ABCB9: variants seen among roughly 807,000 people sequenced by gnomAD.
The protein encoded by ABCB9 is ATP binding cassette subfamily B member 9, also known as ABC-type oligopeptide transporter ABCB9.
Under a neutral mutation model 62.0 loss-of-function variants are expected in ABCB9, and 36 were observed. The observed-to-expected ratio is 0.58, with a 90% CI of 0.45 to 0.77. The LOEUF (loss-of-function observed/expected upper bound fraction) is 0.77, where lower values mean the gene tolerates loss of function less well. ABCB9 is among the 30% of genes least tolerant of loss of function. The pLI is 0.00. For missense variants in ABCB9, 943 were observed against 1,054.7 expected (o/e 0.89, Z 1.47); for synonymous variants, 435 against 461.4 (o/e 0.94, Z 0.73).
At chr12:122,923,635 C>T (rs1241099652) in intron 11 of ABCB9, among the ~76,000 whole-genome samples, 2 of 152,112 alleles carry the variant, frequency 1.3e-5, no homozygotes, top group African/African-American at 4.8e-5. Context: ...ATTGTTAATC[C>T]CAGTGGAGCA....
Position 122,935,394 on chromosome 12 carries a change from CG to C in ABCB9, c.1780del (p.Arg594AlafsTer87), listed in dbSNP as rs774428844. ...GTAGGAGATGTTATCCGTGATGGAGCGGGCGAACAGCACGGGCTCCTGGCTC... is the reference window on the plus strand; with the variant it reads ...GTAGGAGATGTTATCCGTGATGGAGCGGCGAACAGCACGGGCTCCTGGCTC... ...LVSQEPVLFARSITDNISYGL... is the reference protein window; with the variant it reads ...LVSQEPVLFAXSITDNISYGL... On this transcript the variant is annotated frameshift_variant, in exon 10 of 12. Coordinates refer to ENST00000280560, the MANE Select transcript of ABCB9 (RefSeq NM_019625.4). LOFTEE classifies it high-confidence loss of function. The C allele has an allele frequency of 2.0e-5, 33 of 1,613,700 alleles. No individual in the cohort carries two copies. The highest frequency in any genetic ancestry group is 2.6e-5 in the Non-Finnish European group (31 of 1,179,922).
Position 122,922,453 on chromosome 12 carries a change from C to T in ABCB9, c.2041-1410G>A, listed in dbSNP as rs546005225. The stretch of plus-strand genomic sequence containing the variant: ...GGAGTGCAGTGGCACGATCTTAGCT[C>T]ATTGCAACCTCCGCCTCCCGGGTTC... On this transcript the variant is annotated intron_variant, in intron 11 of 11. Transcript: ENST00000344275. 3.5e-4 allele frequency among the ~76,000 whole-genome samples: 52 copies of T among 149,628 alleles called. 1 individual carries two copies. The highest frequency in any genetic ancestry group is 3.0e-5 in the Non-Finnish European group (2 of 67,180).
chr12:122,936,913 A>G (rs544671519), intron 9 of ABCB9, among the ~76,000 whole-genome samples: 2 of 151,502 alleles, frequency 1.3e-5, no homozygotes, highest in Non-Finnish European at 2.9e-5. Context: ...TCAAAAAAAA[A>G]AAAAAAATTG....
In ABCB9 at chr12:122,947,386, C is replaced by T. The variant is rs1007646219; in HGVS notation, c.1054-1164G>A. 8 of 396,390 alleles carry T rather than the reference C, an allele frequency of 2.0e-5. No individual in the cohort carries two copies. Among genetic ancestry groups the T allele is most frequent in the South Asian group, 9.1e-5 (5 of 55,030 alleles). The allele number at this position is 396,390 out of a possible 1,614,324, so 24.6% of individuals were successfully genotyped here. A position where few individuals can be genotyped will look rare whatever the true frequency, so the allele number is the denominator to read the frequency against. ...AGAAGACTGTGGGGAGTGGCCTCAC[C>T]GGGGGCTGGGTGGGAGATGGCTTCC... On this transcript the variant is annotated intron_variant, in intron 5 of 11. Transcript: ENST00000280560. The surrounding 1 kb of genome is among the most constrained non-coding windows in gnomAD (Gnocchi z 6.0).
rs1032818948 is a variant in ABCB9 at position 122,940,912 on chromosome 12, G to T, written c.1464C>A (p.Thr488=). Residue 488 remains threonine (T), a synonymous_variant, in exon 8 of 12, where the codon ACC becomes ACA. Transcript: ENST00000280560. This position sits in a 1 kb window ranked among gnomAD's most constrained non-coding sequence, Gnocchi z 4.8. ...KVFEFIDRQP[T]MVHDGSLAPD... ...GGGCCAAGCTGCCATCGTGCACCAT[G>T]GTCGGCTGCCGGTCGATGAACTCGA... 1 of 1,612,356 alleles carries T rather than the reference G, an allele frequency of 6.2e-7. No homozygotes were observed. Among genetic ancestry groups the T allele is most frequent in the African/African-American group, 1.3e-5 (1 of 75,018 alleles).
Position 122,959,964 on chromosome 12 carries a change from A to C in ABCB9, c.272T>G (p.Leu91Arg). The C allele has an allele frequency of 6.2e-7, 1 of 1,613,234 alleles. No individual in the cohort carries two copies. Among genetic ancestry groups the C allele is most frequent in the Non-Finnish European group, 8.5e-7 (1 of 1,179,984 alleles). The change falls in exon 2 of 12, where the codon CTC becomes CGC. Residue 91 changes from leucine (L) to arginine (R), a missense_variant. By Grantham distance (102) the Leu-to-Arg change is moderately radical. Transcript: ENST00000280560. The surrounding 1 kb of genome is among the most constrained non-coding windows in gnomAD (Gnocchi z 5.4). Reference sequence around the variant, plus strand: ...CACCATGGCATAGATGCCCACGAAGAGGCACACGAGGGTGATGACCAGCCA... The same window carrying C: ...CACCATGGCATAGATGCCCACGAAGCGGCACACGAGGGTGATGACCAGCCA... ...ASWLVITLVC[L>R]FVGIYAMVKL...
intron 5 of ABCB9, 38 bp downstream of exon 5, chr12:122,948,586 A>T (rs1313182376): frequency 1.9e-6 from 3 of 1,545,590 alleles, no homozygotes; most frequent in Non-Finnish European, 2.6e-6. Context: ...GGGGGCTGCC[A>T]GGGTGCACAG....
intron 2 of ABCB9, among the ~76,000 whole-genome samples, chr12:122,957,843 T>G (rs546959416): frequency 6.6e-6 from 1 of 151,048 alleles, no homozygotes; most frequent in Admixed American, 6.6e-5. Flanking sequence ...TACAGATCCA[T>G]CCACATTCAT....
At chr12:122,923,493 G>C (rs1359693061) in intron 11 of ABCB9, among the ~76,000 whole-genome samples, 1 of 152,000 alleles carries the variant, frequency 6.6e-6, no homozygotes, top group Admixed American at 6.6e-5. Flanking sequence ...GTTTCACTGT[G>C]TTAGCCAGGA....
At chr12:122,956,119 C>T (rs144376164) in intron 2 of ABCB9, among the ~76,000 whole-genome samples, 356 of 152,258 alleles carry the variant, frequency 2.3e-3, no homozygotes, top group African/African-American at 7.7e-3. Flanking sequence ...TTTGGGCCGC[C>T]CAGCATGAGC....
At chr12:122,961,122 G>C (rs570522125) in intron 1 of ABCB9, among the ~76,000 whole-genome samples, 29 of 152,070 alleles carry the variant, frequency 1.9e-4, no homozygotes, top group African/African-American at 6.3e-4. Flanking sequence ...AAAAAAGAGG[G>C]GGGTAAATAG....
chr12:122,928,291 G>A (rs1466855645), downstream of ABCB9, among the ~76,000 whole-genome samples: 1 of 152,070 alleles, frequency 6.6e-6, no homozygotes, highest in Non-Finnish European at 1.5e-5. Context: ...CCAACACAGT[G>A]AAACCCATCT....
downstream of ABCB9, chr12:122,924,665 G>A (rs1566146039): frequency 5.3e-6 from 8 of 1,499,648 alleles, no homozygotes; most frequent in Non-Finnish European, 7.1e-6. Context: ...CTAAGTCCTG[G>A]CGCCAGGACT....
chr12:122,946,467 G>T, intron 5 of ABCB9: 1 of 558,434 alleles, frequency 1.8e-6, no homozygotes. Flanking sequence ...GAAGGATAGG[G>T]CACGGTGCTG....
chr12:122,954,491 C>T (rs985350077), intron 2 of ABCB9, among the ~76,000 whole-genome samples: 43 of 151,618 alleles, frequency 2.8e-4, no homozygotes, highest in African/African-American at 1.0e-3. Context: ...CCACCGTGCC[C>T]GGCCTATTTT....
At chr12:122,973,508 G>C (rs2037313079) in intron 1 of ABCB9, among the ~76,000 whole-genome samples, 1 of 133,870 alleles carries the variant, frequency 7.5e-6, no homozygotes, top group Non-Finnish European at 1.6e-5. Flanking sequence ...AGCTTGCAGT[G>C]AGCCGAGATT....
chr12:122,953,482 G>C (rs561815425), intron 2 of ABCB9, among the ~76,000 whole-genome samples: 1 of 152,226 alleles, frequency 6.6e-6, no homozygotes, highest in South Asian at 2.1e-4. Flanking sequence ...CTGCCACCTG[G>C]GTTCAAGTGA....
rs1224671922 is a variant in ABCB9 at position 122,930,186 on chromosome 12, G to C, written c.2041-15C>G. 3 of 1,536,094 alleles carry C rather than the reference G, an allele frequency of 2.0e-6. No homozygotes were observed. The highest frequency in any genetic ancestry group is 2.6e-6 in the Non-Finnish European group (3 of 1,136,928). On this transcript the variant is annotated splice_polypyrimidine_tract_variant and intron_variant, in intron 11 of 11. Coordinates refer to ENST00000280560, the MANE Select transcript of ABCB9 (RefSeq NM_019625.4). The surrounding 1 kb of genome is among the most constrained non-coding windows in gnomAD (Gnocchi z 4.9). ...GCCTGCTGGATCTGCGGGGACAGTGGGGGCCTGGCTTGCATGGCACGGACG... is the reference window on the plus strand; with the variant it reads ...GCCTGCTGGATCTGCGGGGACAGTGCGGGCCTGGCTTGCATGGCACGGACG...
At chr12:122,942,413 C>CA (rs2035811703) in intron 7 of ABCB9, among the ~76,000 whole-genome samples, 1 of 148,670 alleles carries the variant, frequency 6.7e-6, no homozygotes, top group African/African-American at 2.6e-5. Flanking sequence ...CATGGTGCAA[C>CA]CCCATTTCTA....
Sources: gnomAD v4.1 joint callset for allele counts (sites outside exome capture counted in the v4.1 genomes callset) on GRCh38, gnomAD v4.1.1 for gene constraint, Gnocchi (gnomAD v3.1) non-coding constraint, MANE v1.5 for transcripts, NCBI Gene and HGNC (gene_info 2026-07-23, HGNC 2026-07-21) for gene names.